MTMR12: variants seen among roughly 807,000 people sequenced by gnomAD.
MTMR12 encodes the protein myotubularin related protein 12, also known as myotubularin-related protein 12.
Under a neutral mutation model 96.7 loss-of-function variants are expected in MTMR12, and 33 were observed. The ratio of observed to expected loss-of-function variants is 0.34; its 90% CI spans 0.26 to 0.46. The LOEUF (loss-of-function observed/expected upper bound fraction) is 0.46, where lower values mean the gene tolerates loss of function less well. Among genes scored for constraint, MTMR12 ranks in the 20% least tolerant of loss-of-function variants. The pLI, the probability that MTMR12 is intolerant of heterozygous loss-of-function variation, is 1.00. For synonymous variants in MTMR12, 298 were observed against 327.2 expected, an observed-to-expected ratio of 0.91 and a Z score of 0.96; for missense variants, 721 against 896.1, an observed-to-expected ratio of 0.80 and a Z score of 2.49.
chr5:32,305,779 T>A (rs1751333302), intron 1 of MTMR12, among the ~76,000 whole-genome samples: 1 of 152,030 alleles, frequency 6.6e-6, no homozygotes, highest in African/African-American at 2.4e-5. Context: ...GGTGCATGCC[T>A]CTAATCCCAG....
At position 32,252,270 on chromosome 5, in the gene MTMR12, G is replaced by A. The variant is rs1054207418; in HGVS notation, c.790-3392C>T. On this transcript the variant is annotated intron_variant, in intron 8 of 15. Coordinates refer to ENST00000382142, the MANE Select transcript of MTMR12 (RefSeq NM_001040446.3). ...AAGCCAGGGTAGACAGCATGGAGAT[G>A]TGGAAATGTTCTGGAACAAACTGTG... 3.3e-5 allele frequency among the ~76,000 whole-genome samples: 5 copies of A among 152,222 alleles called. No individual in the cohort carries two copies. In the South Asian group the frequency reaches 1.0e-3, roughly 32 times the overall value.
chr5:32,256,038 C>T (rs539229417), intron 7 of MTMR12: 1 of 234,942 alleles, frequency 4.3e-6, no homozygotes, highest in Admixed American at 5.6e-5. Context: ...GGGTCTGTTT[C>T]CTCTTTCAAA....
chr5:32,272,056 C>A, intron 3 of MTMR12, 151 bp from the exon 4 acceptor site: 1 of 419,000 alleles, frequency 2.4e-6, no homozygotes, highest in Non-Finnish European at 4.3e-6. Context: ...CTTTGGGAGG[C>A]CGACGCGGGC....
chr5:32,260,661 G>C (rs1476973614), intron 7 of MTMR12, among the ~76,000 whole-genome samples: 1 of 151,262 alleles, frequency 6.6e-6, no homozygotes, highest in African/African-American at 2.4e-5. Context: ...GGTTCTTGGT[G>C]GGGGTCAGGA....
At chr5:32,291,125 G>A (rs1750723860) in intron 1 of MTMR12, among the ~76,000 whole-genome samples, 1 of 152,186 alleles carries the variant, frequency 6.6e-6, no homozygotes, top group African/African-American at 2.4e-5. Context: ...CTGTTCCCCA[G>A]CCTGCACCGA....
chr5:32,286,026 G>T (rs1394726133), intron 1 of MTMR12, among the ~76,000 whole-genome samples: 1 of 152,082 alleles, frequency 6.6e-6, no homozygotes, highest in Admixed American at 6.5e-5. Context: ...AACATGTTAA[G>T]TACCAAACGC....
At chr5:32,307,634 T>C (rs1402130989) in intron 1 of MTMR12, among the ~76,000 whole-genome samples, 1 of 152,202 alleles carries the variant, frequency 6.6e-6, no homozygotes, top group African/African-American at 2.4e-5. Context: ...TTTAGAATAA[T>C]CAAGGATAGA....
intron 1 of MTMR12, among the ~76,000 whole-genome samples, chr5:32,287,234 C>G (rs1371235870): frequency 6.6e-6 from 1 of 152,114 alleles, no homozygotes; most frequent in Non-Finnish European, 1.5e-5. Flanking sequence ...TGAGTGTTGC[C>G]AAAGGAGATT....
At chr5:32,295,925 G>A (rs1408587982) in intron 1 of MTMR12, among the ~76,000 whole-genome samples, 2 of 152,006 alleles carry the variant, frequency 1.3e-5, no homozygotes, top group African/African-American at 4.8e-5. Flanking sequence ...AGGCCAAGGC[G>A]GGCAGATCAC....
intron 6 of MTMR12, among the ~76,000 whole-genome samples, chr5:32,266,139 C>A (rs955581431): frequency 6.6e-6 from 1 of 152,184 alleles, no homozygotes; most frequent in African/African-American, 2.4e-5. Context: ...CACCCTCCCC[C>A]AGAGGGTGGG....
rs1243838660 is a variant in MTMR12, at chr5:32,274,219, CATACA to C, written c.143-102_143-98del. On this transcript the variant is annotated intron_variant, in intron 2 of 15. Coordinates refer to ENST00000382142, the MANE Select transcript of MTMR12 (RefSeq NM_001040446.3). ...CCAGCCCTATTTACATAAGGACAAA[CATACA>C]ATACAACACAGGGCTTTAGAACTTT... 9 of 1,377,872 alleles carry C rather than the reference CATACA, an allele frequency of 6.5e-6. No homozygotes were observed. In the Admixed American group the frequency reaches 1.9e-4, roughly 29 times the overall value. 85.4% of individuals were successfully genotyped at this position (1,377,872 alleles called of 1,614,324 possible).
intron 8 of MTMR12, among the ~76,000 whole-genome samples, chr5:32,250,940 G>A (rs1238737289): frequency 1.3e-5 from 2 of 152,104 alleles, no homozygotes; most frequent in Non-Finnish European, 2.9e-5. Context: ...GGAACTGTGA[G>A]GGCCAGAATT....
At chr5:32,272,316 A>T (rs559526830) in intron 3 of MTMR12, among the ~76,000 whole-genome samples, 4 of 151,894 alleles carry the variant, frequency 2.6e-5, no homozygotes, top group African/African-American at 9.7e-5. Context: ...AATAAATAAA[A>T]ATAAATGGGG....
chr5:32,298,901 C>T (rs1442368404), intron 1 of MTMR12, among the ~76,000 whole-genome samples: 3 of 147,760 alleles, frequency 2.0e-5, no homozygotes, highest in East Asian at 2.0e-4. Context: ...TGCAGTGAGC[C>T]GAGATCGCGC....
intron 1 of MTMR12, among the ~76,000 whole-genome samples, chr5:32,302,448 G>A (rs1254675098): frequency 2.0e-5 from 3 of 152,204 alleles, no homozygotes; most frequent in African/African-American, 7.2e-5. Flanking sequence ...GCTGGGTACG[G>A]TGGCTCACGC....
At chr5:32,270,398 A>G (rs974085329) in intron 5 of MTMR12, among the ~76,000 whole-genome samples, 3 of 152,182 alleles carry the variant, frequency 2.0e-5, no homozygotes, top group African/African-American at 7.2e-5. Flanking sequence ...TCCATGCACA[A>G]CTACTACCTC....
intron 3 of MTMR12, among the ~76,000 whole-genome samples, chr5:32,272,201 G>A (rs928354525): frequency 9.9e-5 from 15 of 152,208 alleles, no homozygotes; most frequent in Non-Finnish European, 8.8e-5. Context: ...TGAGGCAGGA[G>A]AATGGCGTGA....
chr5:32,229,779 C>A lies in MTMR12; in HGVS notation c.2243G>T (p.Ter748LeuextTer4), dbSNP rs969454524. Reference protein sequence around the residue: ...EDEFVDLGDV* With the variant: ...EDEFVDLGDVL ...TTTCACAATCACTCAACAAACAGGT[C>A]ACACATCCCCTAGGTCCACGAACTC... Residue 748 changes from the stop codon to leucine, a stop_lost, in exon 16 of 16, where the codon TGA becomes TTA. Transcript: ENST00000382142. The A allele has an allele frequency of 6.6e-7, 1 of 1,521,236 alleles. No homozygotes were observed. Among genetic ancestry groups the A allele is most frequent in the South Asian group, 1.3e-5 (1 of 75,476 alleles). 94.2% of individuals were successfully genotyped at this position (1,521,236 alleles called of 1,614,324 possible).
chr5:32,303,218 AACATGG>A (rs1179677581), intron 1 of MTMR12, among the ~76,000 whole-genome samples: 1 of 152,246 alleles, frequency 6.6e-6, no homozygotes, highest in East Asian at 1.9e-4. Context: ...TCTATTATAT[AACATGG>A]ACATATCATT....
Sources: allele counts gnomAD v4.1 joint callset (sites outside exome capture counted in the v4.1 genomes callset), GRCh38; gene constraint gnomAD v4.1.1; transcripts MANE v1.5; gene names NCBI Gene and HGNC (gene_info 2026-07-23, HGNC 2026-07-21).